AKAP6: variants seen among roughly 807,000 people sequenced by gnomAD.
The protein encoded by AKAP6 is A-kinase anchor protein 6.
Under a neutral mutation model 188.5 loss-of-function variants are expected in AKAP6, and 58 were observed. The observed-to-expected ratio is 0.31, with a 90% CI of 0.25 to 0.38. The LOEUF is 0.38. Ranked by LOEUF, AKAP6 falls within the 10% of genes least tolerant of loss-of-function variation. The probability of loss-of-function intolerance (pLI) is 1.00; values close to 1 mark genes in which losing one functional copy is unlikely to be tolerated. For synonymous variants in AKAP6, 989 were observed against 998.6 expected, an observed-to-expected ratio of 0.99 and a Z score of 0.18; for missense variants, 2,710 against 2,740.0, an observed-to-expected ratio of 0.99 and a Z score of 0.24.
At chr14:32,632,549 T>C (rs533274596) in intron 7 of AKAP6, among the ~76,000 whole-genome samples, 4 of 152,188 alleles carry the variant, frequency 2.6e-5, no homozygotes, top group Admixed American at 2.0e-4. Context: ...GCAAACTTTA[T>C]GCTCAGAGGA....
rs144304509 is a variant in AKAP6, at chr14:32,553,696, A to G, written c.2346+6697A>G. 5.9e-5 allele frequency among the ~76,000 whole-genome samples: 9 copies of G among 152,296 alleles called. No individual in the cohort carries two copies. In the East Asian group the frequency reaches 1.7e-3, roughly 29 times the overall value. ...ATGAAAACAAAAATTTTAAGGCAAT[A>G]TTTTTAAAACTGGGGAATCAGTTGT... On this transcript the variant is annotated intron_variant, in intron 4 of 13. Coordinates refer to ENST00000280979, the MANE Select transcript of AKAP6 (RefSeq NM_004274.5).
intron 1 of AKAP6, among the ~76,000 whole-genome samples, chr14:32,332,492 C>G (rs745455480): frequency 6.6e-6 from 1 of 152,044 alleles, no homozygotes; most frequent in Admixed American, 6.6e-5. Context: ...TTGCCACTGC[C>G]CTTGCTTGAT....
At chr14:32,654,509 A>G (rs561850252) in intron 7 of AKAP6, among the ~76,000 whole-genome samples, 1 of 152,252 alleles carries the variant, frequency 6.6e-6, no homozygotes, top group South Asian at 2.1e-4. Context: ...AGGGTGAAAT[A>G]TACCAGACTG....
Position 32,823,140 on chromosome 14 carries a change from A to G in AKAP6, c.5327A>G (p.Asp1776Gly). ...EELCIKDEDDDSSIATDDEIY... is the reference protein window; with the variant it reads ...EELCIKDEDDGSSIATDDEIY... ...CTGTGCATCAAAGATGAGGATGACG[A>G]CTCCAGTATTGCAACAGATGATGAA... The change falls in exon 13 of 14, where the codon GAC becomes GGC. Residue 1776 changes from aspartate (D) to glycine (G), a missense_variant. Asp to Gly is a moderately conservative substitution (Grantham distance 94). Coordinates refer to ENST00000280979, the MANE Select transcript of AKAP6 (RefSeq NM_004274.5). 1 of 1,613,668 alleles carries G rather than the reference A, an allele frequency of 6.2e-7. No individual in the cohort carries two copies. Among genetic ancestry groups the G allele is most frequent in the Non-Finnish European group, 8.5e-7 (1 of 1,179,862 alleles).
intron 1 of AKAP6, among the ~76,000 whole-genome samples, chr14:32,349,447 A>G (rs993922655): frequency 1.3e-5 from 2 of 152,206 alleles, no homozygotes; most frequent in Admixed American, 6.5e-5. Flanking sequence ...GAGGATGGAG[A>G]GCGTCTATTT....
intron 1 of AKAP6, among the ~76,000 whole-genome samples, chr14:32,428,987 G>A (rs1890128438): frequency 6.6e-6 from 1 of 152,174 alleles, no homozygotes; most frequent in Non-Finnish European, 1.5e-5. Context: ...ATTTTTAACA[G>A]CAGCTGGGAT....
intron 2 of AKAP6, among the ~76,000 whole-genome samples, chr14:32,436,254 A>G (rs186223552): frequency 1.3e-5 from 2 of 152,342 alleles, no homozygotes; most frequent in Admixed American, 1.3e-4. Flanking sequence ...CTAGGCACAG[A>G]TAATTGCCTA....
At position 32,379,202 on chromosome 14, in the gene AKAP6, G is replaced by C. The variant is rs548878524; in HGVS notation, c.-35+49794G>C. Among the ~76,000 whole-genome samples, 7 of 152,252 alleles carry C rather than the reference G, an allele frequency of 4.6e-5. No homozygotes were observed. The East Asian group carries it at 1.2e-3, about 25-fold the overall frequency. ...CCCAAAGTGCTGAGATTACAGGTGT[G>C]AGCCACTGCGCCCAGCCATGAGTGT... On this transcript the variant is annotated intron_variant, in intron 1 of 13. Transcript: ENST00000280979.
At chr14:32,566,371 TAAAATG>T (rs994029434) in intron 4 of AKAP6, among the ~76,000 whole-genome samples, 1 of 151,978 alleles carries the variant, frequency 6.6e-6, no homozygotes, top group African/African-American at 2.4e-5. Flanking sequence ...TTTAAATTGT[TAAAATG>T]AATATTGATA....
At chr14:32,452,253 C>T (rs1453961300) in intron 2 of AKAP6, among the ~76,000 whole-genome samples, 2 of 151,962 alleles carry the variant, frequency 1.3e-5, no homozygotes, top group Admixed American at 1.3e-4. Context: ...AGGCTGGTCT[C>T]AAACTCCTGA....
intron 1 of AKAP6, among the ~76,000 whole-genome samples, chr14:32,342,153 G>GACTCT (rs1886910260): frequency 6.6e-6 from 1 of 152,128 alleles, no homozygotes; most frequent in Admixed American, 6.5e-5. Context: ...ATGTGCTGAT[G>GACTCT]ACTCATAAAT....
chr14:32,487,959 T>C (rs1464645380), intron 2 of AKAP6, among the ~76,000 whole-genome samples: 1 of 152,192 alleles, frequency 6.6e-6, no homozygotes, highest in Admixed American at 6.5e-5. Flanking sequence ...GGAGCTCTCC[T>C]GTATGAGGTG....
chr14:32,596,133 CT>C (rs2139335874), intron 5 of AKAP6, among the ~76,000 whole-genome samples: 1 of 152,260 alleles, frequency 6.6e-6, no homozygotes, highest in South Asian at 2.1e-4. Flanking sequence ...TTTGATACTA[CT>C]AAGATTGAAC....
chr14:32,342,230 T>C (rs1362627028), intron 1 of AKAP6, among the ~76,000 whole-genome samples: 23 of 152,330 alleles, frequency 1.5e-4, no homozygotes, highest in Admixed American at 1.5e-3. Flanking sequence ...TTTCTGTATG[T>C]CTTTTCCTGA....
intron 4 of AKAP6, among the ~76,000 whole-genome samples, chr14:32,576,648 T>C (rs1185206142): frequency 6.6e-6 from 1 of 152,166 alleles, no homozygotes; most frequent in African/African-American, 2.4e-5. Context: ...AATATATTTC[T>C]AGTTCAGCTA....
At chr14:32,342,771 T>C (rs532951133) in intron 1 of AKAP6, among the ~76,000 whole-genome samples, 27 of 151,686 alleles carry the variant, frequency 1.8e-4, no homozygotes, top group Non-Finnish European at 3.7e-4. Flanking sequence ...GGGTTTGTTA[T>C]TTTTTTTTAA....
rs2034853521 is a variant in AKAP6, at chr14:32,834,505, G to A, written c.*4700G>A. ...TGTTTTAATACAGTATTCAAACAAA[G>A]ATCACACACTGCTTTTAGTTTCCAA... On this transcript the variant is annotated 3_prime_UTR_variant, in exon 14 of 14. Transcript: ENST00000280979. 1 of 142,236 alleles carries A rather than the reference G, an allele frequency of 7.0e-6. No homozygotes were observed. Among genetic ancestry groups the A allele is most frequent in the Admixed American group, 7.2e-5 (1 of 13,874 alleles). 8.8% of individuals were successfully genotyped at this position (142,236 alleles called of 1,614,324 possible).
chr14:32,404,850 G>A (rs1889235018), intron 1 of AKAP6, among the ~76,000 whole-genome samples: 1 of 151,010 alleles, frequency 6.6e-6, no homozygotes, highest in East Asian at 2.0e-4. Context: ...AGGCTAGTAA[G>A]GTGAGGGCAG....
chr14:32,681,674 CA>C (rs1310937431), intron 8 of AKAP6, among the ~76,000 whole-genome samples: 2 of 132,284 alleles, frequency 1.5e-5, no homozygotes, highest in African/African-American at 6.1e-5. Context: ...ATTAATTTGA[CA>C]AATTTTTTTT....
Sources: gnomAD v4.1 joint callset for allele counts (sites outside exome capture counted in the v4.1 genomes callset) on GRCh38, gnomAD v4.1.1 for gene constraint, MANE v1.5 for transcripts, NCBI Gene and HGNC (gene_info 2026-07-23, HGNC 2026-07-21) for gene names.